HPS1: variants seen among roughly 807,000 people sequenced by gnomAD.
The protein encoded by HPS1 is BLOC-3 complex member HPS1.
HPS1 carries 59 observed loss-of-function variants against 90.6 expected under a neutral mutation model. The ratio of observed to expected loss-of-function variants is 0.65; its 90% CI spans 0.53 to 0.81. The LOEUF (loss-of-function observed/expected upper bound fraction) is 0.81, where lower values mean the gene tolerates loss of function less well. Ranked by LOEUF, HPS1 falls within the 30% of genes least tolerant of loss-of-function variation. The pLI, the probability that HPS1 is intolerant of heterozygous loss-of-function variation, is 0.00. For missense variants in HPS1, 849 were observed against 896.7 expected (o/e 0.95, Z 0.68); for synonymous variants, 388 against 384.4 (o/e 1.01, Z -0.11).
In HPS1 at chr10:98,434,025, G is replaced by C. The variant is rs1161707915; in HGVS notation, c.465C>G (p.Thr155=). ...LWEHFQSLLW[T]YSRLREQEQC... Reference sequence around the variant, plus strand: ...GCTCCTGCTCCCGCAGGCGGCTGTAGGTCCACAGCAGGCTCTGGAAGTGCT... The same window carrying C: ...GCTCCTGCTCCCGCAGGCGGCTGTACGTCCACAGCAGGCTCTGGAAGTGCT... The change falls in exon 6 of 20, where the codon ACC becomes ACG. Residue 155 remains threonine, a synonymous_variant. Transcript: ENST00000361490. The C allele has an allele frequency of 9.6e-6, 15 of 1,558,144 alleles. No homozygotes were observed. The highest frequency in any genetic ancestry group is 2.7e-5 in the African/African-American group (2 of 73,550).
chr10:98,429,997 A>C, intron 8 of HPS1, 108 bp from the exon 9 acceptor site: 1 of 953,870 alleles, frequency 1.0e-6, no homozygotes, highest in Non-Finnish European at 1.6e-6. Flanking sequence ...CCACCCCTCC[A>C]CCCGTTCCGG....
Position 98,445,391 on chromosome 10 carries a change from C to A in HPS1, c.-92G>T, listed in dbSNP as rs1188371938. 6.5e-6 allele frequency: 1 copy of A among 152,728 alleles called. No individual in the cohort carries two copies. The highest frequency in any genetic ancestry group is 2.4e-5 in the African/African-American group (1 of 41,454). The allele number at this position is 152,728 out of a possible 1,614,324, so 9.5% of individuals were successfully genotyped here. On this transcript the variant is annotated 5_prime_UTR_variant, in exon 2 of 20. Coordinates refer to ENST00000361490, the MANE Select transcript of HPS1 (RefSeq NM_000195.5). This position sits in a 1 kb window ranked among gnomAD's most constrained non-coding sequence, Gnocchi z 4.5. ...GTGACTGGCTCATGGGAGAGCAGCA[C>A]AGCATCCCTGGTCCTGCAAATGCTT...
chr10:98,429,943 A>C (rs1436381632), intron 8 of HPS1, 54 bp from the exon 9 acceptor site: 16 of 1,501,480 alleles, frequency 1.1e-5, no homozygotes, highest in Non-Finnish European at 1.4e-5. Context: ...GGCTCCCTCC[A>C]CCCCTTCTGC....
chr10:98,442,647 A>C (rs372501294), intron 3 of HPS1: 1 of 226,716 alleles, frequency 4.4e-6, no homozygotes, highest in East Asian at 1.1e-4. Context: ...CTGGGACTAT[A>C]GGCACGCACC....
chr10:98,420,350 C>T (rs974187640), intron 17 of HPS1, 192 bp from the exon 18 acceptor site: 2 of 606,474 alleles, frequency 3.3e-6, no homozygotes, highest in Admixed American at 5.1e-5. Context: ...ATGGACTACC[C>T]TCCAGTTAGC....
chr10:98,435,502 C>G lies in HPS1; in HGVS notation c.256-88G>C. 1 of 1,610,248 alleles carries G rather than the reference C, an allele frequency of 6.2e-7. No individual in the cohort carries two copies. Among genetic ancestry groups the G allele is most frequent in the Non-Finnish European group, 8.5e-7 (1 of 1,176,942 alleles). ...CTCTGCAGACAAGCCAGGGGAGGCT[C>G]GGGTCCCAGGCGGGTTTGATAAGAT... On this transcript the variant is annotated intron_variant, in intron 4 of 19. Transcript: ENST00000361490. The surrounding 1 kb of genome is among the most constrained non-coding windows in gnomAD (Gnocchi z 4.3).
chr10:98,422,617 C>T, intron 16 of HPS1, 104 bp from the exon 17 acceptor site: 2 of 1,166,138 alleles, frequency 1.7e-6, no homozygotes, highest in South Asian at 1.2e-5. Context: ...AGGGCCAGGA[C>T]TGCCTCTTTC....
chr10:98,446,168 C>A (rs573172322), intron 1 of HPS1, among the ~76,000 whole-genome samples: 1 of 150,432 alleles, frequency 6.6e-6, no homozygotes, highest in South Asian at 2.1e-4. Flanking sequence ...TGACTACCCG[C>A]CACAGAGACT....
intron 3 of HPS1, among the ~76,000 whole-genome samples, chr10:98,441,538 C>A (rs1239425071): frequency 6.6e-6 from 1 of 152,206 alleles, no homozygotes; most frequent in Non-Finnish European, 1.5e-5. Flanking sequence ...TCTAATACTT[C>A]TGCTCTTTGA....
chr10:98,430,287 G>A (rs1159450913), intron 8 of HPS1, among the ~76,000 whole-genome samples: 1 of 152,178 alleles, frequency 6.6e-6, no homozygotes, highest in Non-Finnish European at 1.5e-5. Context: ...CTGAGGCTCT[G>A]GGGGTGCAAG....
chr10:98,429,326 T>C, intron 10 of HPS1: 3 of 1,434,224 alleles, frequency 2.1e-6, no homozygotes, highest in Middle Eastern at 2.4e-4. Flanking sequence ...ACAGAAGTTT[T>C]AAATGAATCA....
At chr10:98,415,314 T>C (rs1843980042), downstream of HPS1, 9 of 821,906 alleles carry the variant, frequency 1.1e-5, no homozygotes, top group Non-Finnish European at 1.6e-5. Flanking sequence ...CCTGGGGCTG[T>C]GCTGGGCCGT....
intron 3 of HPS1, 114 bp downstream of exon 3, chr10:98,443,010 G>T: frequency 1.2e-6 from 1 of 826,842 alleles, no homozygotes; most frequent in Middle Eastern, 2.8e-4. Flanking sequence ...CCAGCACCCT[G>T]CTCATGCTGC....
At chr10:98,424,061 C>T (rs2136138883) in intron 14 of HPS1, among the ~76,000 whole-genome samples, 174 bp from the exon 15 acceptor site, 1 of 152,094 alleles carries the variant, frequency 6.6e-6, no homozygotes, top group African/African-American at 2.4e-5. Flanking sequence ...CCCTCACTCC[C>T]AGGTGGACCA....
At chr10:98,429,487 G>A in intron 10 of HPS1, 86 bp downstream of exon 10, 1 of 1,608,566 alleles carries the variant, frequency 6.2e-7, no homozygotes, top group Non-Finnish European at 8.5e-7. Flanking sequence ...AGGCACGGGG[G>A]TCCACTGGAG....
chr10:98,444,973 C>T (rs1939223452), intron 2 of HPS1, among the ~76,000 whole-genome samples: 1 of 152,134 alleles, frequency 6.6e-6, no homozygotes, highest in South Asian at 2.1e-4. Context: ...AAGTGACCGG[C>T]TGGCTGGAGA....
In HPS1 at chr10:98,435,888, G is replaced by A. The variant is rs1564861438; in HGVS notation, c.118-116C>T. On this transcript the variant is annotated intron_variant, in intron 3 of 19. Transcript: ENST00000361490. This position sits in a 1 kb window ranked among gnomAD's most constrained non-coding sequence, Gnocchi z 4.3. ...TCCATAGTGTTAGACCCTCCTGGGA[G>A]GGTATCACTGTCCTGGTAGGGAGGG... 16 of 1,310,576 alleles carry A rather than the reference G, an allele frequency of 1.2e-5. No homozygotes were observed. Among genetic ancestry groups the A allele is most frequent in the Non-Finnish European group, 1.2e-5 (11 of 926,798 alleles). 81.2% of individuals were successfully genotyped at this position (1,310,576 alleles called of 1,614,324 possible). A position where few individuals can be genotyped will look rare whatever the true frequency, so the allele number is the denominator to read the frequency against.
chr10:98,428,826 T>G (rs888611848), intron 10 of HPS1, among the ~76,000 whole-genome samples: 8 of 151,858 alleles, frequency 5.3e-5, no homozygotes, highest in Admixed American at 5.2e-4. Context: ...GTTAACATTT[T>G]GAATATTTGT....
At position 98,446,674 on chromosome 10, in the gene HPS1, G is replaced by T. The variant is rs1409532958; in HGVS notation, c.-106+133C>A. ...CACGGCCACCCTGGGAAGGAGGCTT[G>T]ACTTGTGACATCCACCCCTCTTCAC... On this transcript the variant is annotated intron_variant, in intron 1 of 19. Coordinates refer to ENST00000361490, the MANE Select transcript of HPS1 (RefSeq NM_000195.5). 2.0e-5 allele frequency: 3 copies of T among 146,610 alleles called. No homozygotes were observed. The South Asian group carries it at 6.5e-4, about 32-fold the overall frequency. 9.1% of individuals were successfully genotyped at this position (146,610 alleles called of 1,614,324 possible).
Sources: allele counts gnomAD v4.1 joint callset (sites outside exome capture counted in the v4.1 genomes callset), GRCh38; gene constraint gnomAD v4.1.1; non-coding constraint Gnocchi (gnomAD v3.1); transcripts MANE v1.5; gene names NCBI Gene and HGNC (gene_info 2026-07-23, HGNC 2026-07-21).